Variants in ZZEF1 observed in about 807,000 individuals in gnomAD.
The protein encoded by ZZEF1 is zinc finger ZZ-type and EF-hand domain-containing protein 1.
A neutral mutation model predicts 342.8 loss-of-function variants in ZZEF1; 157 were observed. That is an observed-to-expected ratio of 0.46 (90% CI 0.40 to 0.52). The LOEUF (loss-of-function observed/expected upper bound fraction) is 0.52. Ranked by LOEUF, ZZEF1 falls within the 20% of genes least tolerant of loss-of-function variation. The probability of loss-of-function intolerance (pLI) is 0.00; values close to 1 mark genes in which losing one functional copy is unlikely to be tolerated. For missense variants in ZZEF1, 3,480 were observed against 3,725.6 expected, an observed-to-expected ratio of 0.93 and a Z score of 1.72; for synonymous variants, 1,505 against 1,429.1, an observed-to-expected ratio of 1.05 and a Z score of -1.20.
Position 4,034,033 on chromosome 17 carries a change from C to A in ZZEF1, c.6566G>T (p.Gly2189Val). Residue 2189 changes from glycine (G) to valine (V), a missense_variant, in exon 40 of 55, where the codon GGA (glycine) becomes GTA (valine). Transcript: ENST00000381638. ...AGGCTACCTGTCCAGACACACAGCTCCCAGGCTAAAGAGCAGGTGGGTGGT... is the reference window on the plus strand; with the variant it reads ...AGGCTACCTGTCCAGACACACAGCTACCAGGCTAAAGAGCAGGTGGGTGGT... Reference protein sequence around the residue: ...WKTTHLLFSLGAVCLDSRVGL... With the variant: ...WKTTHLLFSLVAVCLDSRVGL... The A allele has an allele frequency of 1.2e-6, 2 of 1,614,080 alleles. No homozygotes were observed. Among genetic ancestry groups the A allele is most frequent in the Non-Finnish European group, 8.5e-7 (1 of 1,180,030 alleles).
chr17:4,056,569 G>A (rs1229928776), intron 32 of ZZEF1, among the ~76,000 whole-genome samples: 2 of 152,194 alleles, frequency 1.3e-5, no homozygotes, highest in Non-Finnish European at 2.9e-5. Flanking sequence ...TAAGGGATGA[G>A]AAATTAAGAG....
intron 52 of ZZEF1, among the ~76,000 whole-genome samples, chr17:4,011,394 A>G (rs2055950944): frequency 6.7e-6 from 1 of 149,090 alleles, no homozygotes; most frequent in East Asian, 2.0e-4. Flanking sequence ...AAAGAGCCAG[A>G]CCATGTTTCA....
Position 4,066,472 on chromosome 17 carries a change from A to G in ZZEF1, c.4224T>C (p.Ala1408=). 2 of 1,614,146 alleles carry G rather than the reference A, an allele frequency of 1.2e-6. No individual in the cohort carries two copies. Among genetic ancestry groups the G allele is most frequent in the Non-Finnish European group, 1.7e-6 (2 of 1,180,020 alleles). The part of the protein sequence containing the change: ...NEAEEKHSSE[A]TEVNPESLAK... ...CCAGGCTCTCAGGGTTCACCTCAGT[A>G]GCTTCTGAACTATGTTTTTCTTCTG... The change falls in exon 28 of 55, where the codon GCT becomes GCC. Residue 1408 remains alanine, a synonymous_variant. Transcript: ENST00000381638.
chr17:4,087,515 C>A lies in ZZEF1; in HGVS notation c.2261G>T (p.Gly754Val). The A allele has an allele frequency of 6.2e-7, 1 of 1,608,880 alleles. No individual in the cohort carries two copies. Among genetic ancestry groups the A allele is most frequent in the African/African-American group, 1.3e-5 (1 of 74,742 alleles). Reference sequence around the variant, plus strand: ...GTCCAGAAAAGATTTATATTTTAAGCCACTTTCCTTCTGCTGCACCTAAAA... The same window carrying A: ...GTCCAGAAAAGATTTATATTTTAAGACACTTTCCTTCTGCTGCACCTAAAA... ...AHDLVQQKES[G>V]LKYKSFLDFA... The change falls in exon 14 of 55, where the codon GGC (glycine) becomes GTC (valine). Residue 754 changes from glycine (G) to valine (V), a missense_variant. Coordinates refer to ENST00000381638, the MANE Select transcript of ZZEF1 (RefSeq NM_015113.4).
rs2145373927 is a variant in ZZEF1, at chr17:4,088,966, CTTT to C, written c.2026-76_2026-74del. 5 of 1,458,394 alleles carry C rather than the reference CTTT, an allele frequency of 3.4e-6. No individual in the cohort carries two copies. The Admixed American group carries it at 9.8e-5, about 29-fold the overall frequency. The allele number at this position is 1,458,394 out of a possible 1,614,324, so 90.3% of individuals were successfully genotyped here. A position where few individuals can be genotyped will look rare whatever the true frequency, so the allele number is the denominator to read the frequency against. ...ATATTGATTAAAGAGGGAAAAAGGC[CTTT>C]CCGGGAAGGTCTTCCTATGATTTTC... On this transcript the variant is annotated intron_variant, in intron 12 of 54. Transcript: ENST00000381638.
chr17:4,015,631 G>A (rs941863397), intron 49 of ZZEF1, among the ~76,000 whole-genome samples: 3 of 152,180 alleles, frequency 2.0e-5, no homozygotes, highest in African/African-American at 7.2e-5. Context: ...TGGGCATGGT[G>A]GCAGGTGCCT....
chr17:4,082,349 G>A (rs945059318), intron 17 of ZZEF1, 88 bp downstream of exon 17: 85 of 1,291,624 alleles, frequency 6.6e-5, no homozygotes, highest in Admixed American at 1.3e-4. Context: ...GTACTACTTC[G>A]AAGGCACATG....
At chr17:4,051,087 C>G in intron 35 of ZZEF1, 44 bp from the exon 36 acceptor site, 1 of 1,613,618 alleles carries the variant, frequency 6.2e-7, no homozygotes, top group Non-Finnish European at 8.5e-7. Context: ...CCTCCAAAAG[C>G]TTTTGTGGCT....
At chr17:4,113,552 C>A (rs947225347) in intron 4 of ZZEF1, among the ~76,000 whole-genome samples, 1 of 152,084 alleles carries the variant, frequency 6.6e-6, no homozygotes, top group East Asian at 1.9e-4. Context: ...TTAATCCCAG[C>A]CACCCAGGAG....
chr17:4,026,232 G>A (rs1426216630), intron 42 of ZZEF1, among the ~76,000 whole-genome samples: 1 of 152,190 alleles, frequency 6.6e-6, no homozygotes, highest in Non-Finnish European at 1.5e-5. Flanking sequence ...AACAGTGAGA[G>A]TGGAAGTGTC....
At chr17:4,083,820 T>C (rs1184934560) in intron 16 of ZZEF1, among the ~76,000 whole-genome samples, 3 of 152,114 alleles carry the variant, frequency 2.0e-5, no homozygotes, top group East Asian at 1.9e-4. Context: ...CTTATTTCTA[T>C]AGGCCTTTGT....
chr17:4,044,989 A>C (rs2056882268), intron 37 of ZZEF1, among the ~76,000 whole-genome samples: 1 of 151,910 alleles, frequency 6.6e-6, no homozygotes, highest in African/African-American at 2.4e-5. Context: ...CCCCATCTCT[A>C]CTAAAAATAC....
chr17:4,107,666 T>C (rs1366759120), intron 6 of ZZEF1, among the ~76,000 whole-genome samples: 4 of 152,218 alleles, frequency 2.6e-5, no homozygotes. Flanking sequence ...GGACACTGGT[T>C]ACATAGAGGC....
intron 34 of ZZEF1, among the ~76,000 whole-genome samples, chr17:4,052,760 G>T (rs2057076960): frequency 1.3e-5 from 2 of 152,046 alleles, no homozygotes; most frequent in South Asian, 4.1e-4. Flanking sequence ...CCAGCTACTT[G>T]GGAGGCTGAA....
intron 16 of ZZEF1, 110 bp downstream of exon 16, chr17:4,085,560 A>G (rs1342663013): frequency 7.4e-7 from 1 of 1,350,180 alleles, no homozygotes. Context: ...TATAATATTA[A>G]TACACATCTG....
intron 6 of ZZEF1, 88 bp downstream of exon 6, chr17:4,109,565 A>C: frequency 7.0e-7 from 1 of 1,423,214 alleles, no homozygotes; most frequent in East Asian, 2.3e-5. Flanking sequence ...ACGATCAATG[A>C]TGGAAGGCTG....
At chr17:4,112,088 A>ATG (rs2058319447) in intron 5 of ZZEF1, among the ~76,000 whole-genome samples, 1 of 44,112 alleles carries the variant, frequency 2.3e-5, no homozygotes. Flanking sequence ...ATATATATAT[A>ATG]TATATGTTTT....
In ZZEF1 at chr17:4,006,965, C is replaced by A. The variant is rs894545866; in HGVS notation, c.8811G>T (p.Leu2937=). 2.5e-6 allele frequency: 4 copies of A among 1,582,974 alleles called. No homozygotes were observed. Among genetic ancestry groups the A allele is most frequent in the Non-Finnish European group, 3.4e-6 (4 of 1,163,056 alleles). ...DHLLRCAAQA[L]QNIAAISLAI... ...CCAGGCTGATGGCAGCAATGTTCTGCAGAGCCTGTAGAGGGAAAAAGAGTT... is the reference window on the plus strand; with the variant it reads ...CCAGGCTGATGGCAGCAATGTTCTGAAGAGCCTGTAGAGGGAAAAAGAGTT... Residue 2937 remains leucine, a synonymous_variant, in exon 55 of 55, where the codon CTG becomes CTT. Transcript: ENST00000381638.
rs1341171569 is a variant in ZZEF1 at position 4,005,856 on chromosome 17, G to A, written c.*1034C>T. On this transcript the variant is annotated 3_prime_UTR_variant, in exon 55 of 55. Transcript: ENST00000381638. ...ATGTTCCCAAGCGTGGCTCTGGAGG[G>A]AGAATCATCATCGGCACTCCAGGGC... The A allele has an allele frequency of 6.6e-6, 1 of 152,274 alleles. No homozygotes were observed. Among genetic ancestry groups the A allele is most frequent in the Non-Finnish European group, 1.5e-5 (1 of 68,106 alleles). 9.4% of individuals were successfully genotyped at this position (152,274 alleles called of 1,614,324 possible).
Sources: gnomAD v4.1 joint callset for allele counts (sites outside exome capture counted in the v4.1 genomes callset) on GRCh38, gnomAD v4.1.1 for gene constraint, MANE v1.5 for transcripts, NCBI Gene and HGNC (gene_info 2026-07-23, HGNC 2026-07-21) for gene names.